The following AEBP2 variants were observed in gnomAD, a reference collection of about 807,000 sequenced individuals.
AEBP2 encodes the protein AE binding protein 2.
A neutral mutation model predicts 50.8 loss-of-function variants in AEBP2; 10 were observed. The ratio of observed to expected loss-of-function variants is 0.20; its 90% CI spans 0.12 to 0.33. The LOEUF (loss-of-function observed/expected upper bound fraction) is 0.33, where lower values mean the gene tolerates loss of function less well. Ranked by LOEUF, AEBP2 falls within the 10% of genes least tolerant of loss-of-function variation. AEBP2 has a pLI of 1.00. For missense variants in AEBP2, 570 were observed against 688.0 expected (o/e 0.83, Z 1.92); for synonymous variants, 296 against 261.3 (o/e 1.13, Z -1.28).
At chr12:19,450,378 A>G (rs1162228030) in intron 1 of AEBP2, among the ~76,000 whole-genome samples, 1 of 151,586 alleles carries the variant, frequency 6.6e-6, no homozygotes, top group Admixed American at 6.6e-5. Flanking sequence ...ACGTGTAGGA[A>G]TCAAATTTAA....
chr12:19,448,900 G>A (rs1948119376), intron 1 of AEBP2, among the ~76,000 whole-genome samples: 3 of 151,926 alleles, frequency 2.0e-5, no homozygotes, highest in South Asian at 4.2e-4. Flanking sequence ...GGCTGGTCTC[G>A]AACCCCTGAG....
At chr12:19,508,511 A>T (rs1400259504) in intron 5 of AEBP2, among the ~76,000 whole-genome samples, 12 of 152,128 alleles carry the variant, frequency 7.9e-5, no homozygotes, top group Non-Finnish European at 1.2e-4. Flanking sequence ...GACTATTAAA[A>T]CACTAAAGTT....
chr12:19,491,849 G>T (rs185581483), intron 3 of AEBP2, among the ~76,000 whole-genome samples: 86 of 152,176 alleles, frequency 5.7e-4, no homozygotes, highest in African/African-American at 2.0e-3. Context: ...AATGGAAAGT[G>T]TGAGTTGACA....
At chr12:19,442,957 T>C (rs1947989364) in intron 1 of AEBP2, among the ~76,000 whole-genome samples, 1 of 152,224 alleles carries the variant, frequency 6.6e-6, no homozygotes, top group Non-Finnish European at 1.5e-5. Context: ...AGTTTTAAAG[T>C]GCTCTATAAC....
At chr12:19,501,797 G>GTTTTTTTTTTTTGTTTTT (rs1949082800) in intron 5 of AEBP2, among the ~76,000 whole-genome samples, 1 of 70,870 alleles carries the variant, frequency 1.4e-5, no homozygotes, top group Non-Finnish European at 2.7e-5. Flanking sequence ...AAATGAGTTT[G>GTTTTTTTTTTTTGTTTTT]TTTTTTTTTT....
intron 3 of AEBP2, among the ~76,000 whole-genome samples, chr12:19,480,704 C>T (rs570588560): frequency 7.9e-5 from 12 of 152,198 alleles, no homozygotes; most frequent in African/African-American, 2.9e-4. Context: ...TGCTTTTGTC[C>T]CACAACTCGT....
At chr12:19,408,051 CAAA>C (rs111495452) in intron 1 of AEBP2, among the ~76,000 whole-genome samples, 1 of 138,222 alleles carries the variant, frequency 7.2e-6, no homozygotes. Flanking sequence ...AACTCTGTCT[CAAA>C]AAAAAAAAAA....
At chr12:19,497,810 A>C (rs1426365064) in intron 4 of AEBP2, among the ~76,000 whole-genome samples, 2 of 152,220 alleles carry the variant, frequency 1.3e-5, no homozygotes, top group Non-Finnish European at 2.9e-5. Flanking sequence ...ATTAGTTAAA[A>C]AAATACTGAG....
intron 3 of AEBP2, among the ~76,000 whole-genome samples, chr12:19,486,054 T>C (rs1948805009): frequency 6.6e-6 from 1 of 151,848 alleles, no homozygotes; most frequent in Non-Finnish European, 1.5e-5. Context: ...CTTATGTTCG[T>C]ATGCACATTT....
chr12:19,467,414 C>T (rs1948496648), intron 2 of AEBP2, among the ~76,000 whole-genome samples: 1 of 152,136 alleles, frequency 6.6e-6, no homozygotes, highest in Non-Finnish European at 1.5e-5. Flanking sequence ...CTGTGTCAGC[C>T]TCCTAAGTAG....
At chr12:19,420,630 GCT>G (rs2095745151) in intron 1 of AEBP2, among the ~76,000 whole-genome samples, 2 of 152,078 alleles carry the variant, frequency 1.3e-5, no homozygotes, top group African/African-American at 4.8e-5. Flanking sequence ...CCGGCCAATA[GCT>G]CTTTTTATGT....
intron 1 of AEBP2, among the ~76,000 whole-genome samples, chr12:19,405,388 C>T (rs915569673): frequency 6.6e-6 from 1 of 150,730 alleles, no homozygotes; most frequent in African/African-American, 2.4e-5. Context: ...TGCAGTGGCG[C>T]GATCTCGGCT....
intron 5 of AEBP2, chr12:19,508,772 AACAAAT>A (rs71750930): frequency 0.021 from 3,680 of 172,238 alleles, 47 homozygotes; most frequent in East Asian, 0.04. Flanking sequence ...CCAGGAGATA[AACAAAT>A]GCCTTAAGTT....
At chr12:19,464,423 C>T (rs539594361) in intron 2 of AEBP2, among the ~76,000 whole-genome samples, 14 of 152,166 alleles carry the variant, frequency 9.2e-5, no homozygotes, top group African/African-American at 3.1e-4. Flanking sequence ...CTGGGCTTCT[C>T]TTAGTAGATG....
intron 1 of AEBP2, among the ~76,000 whole-genome samples, chr12:19,431,226 T>C (rs137951918): frequency 6.6e-6 from 1 of 152,308 alleles, no homozygotes; most frequent in Non-Finnish European, 1.5e-5. Flanking sequence ...GAAGGCCAAG[T>C]TGATTTATCC....
intron 5 of AEBP2, among the ~76,000 whole-genome samples, chr12:19,502,585 G>A (rs1177308232): frequency 6.6e-6 from 1 of 151,332 alleles, no homozygotes; most frequent in African/African-American, 2.4e-5. Context: ...TTGAAGATCA[G>A]TTGGTTGTAG....
intron 5 of AEBP2, among the ~76,000 whole-genome samples, chr12:19,510,924 A>T (rs892085004): frequency 1.5e-5 from 2 of 130,936 alleles, no homozygotes; most frequent in African/African-American, 6.1e-5. Context: ...GCAGTGGCGC[A>T]GTCACAGCTC....
At chr12:19,442,677 C>T (rs1947983066) in intron 1 of AEBP2, among the ~76,000 whole-genome samples, 1 of 152,140 alleles carries the variant, frequency 6.6e-6, no homozygotes. Context: ...TTAGAGACTA[C>T]AGAATACTGT....
At chr12:19,427,112 C>G (rs939133924) in intron 1 of AEBP2, among the ~76,000 whole-genome samples, 1 of 151,828 alleles carries the variant, frequency 6.6e-6, no homozygotes, top group Non-Finnish European at 1.5e-5. Context: ...GGCACGGTGG[C>G]TTATGCCGCC....
Sources: allele counts gnomAD v4.1 joint callset (sites outside exome capture counted in the v4.1 genomes callset), GRCh38; gene constraint gnomAD v4.1.1; transcripts MANE v1.5; gene names NCBI Gene and HGNC (gene_info 2026-07-23, HGNC 2026-07-21).